UNC5C: variants seen among roughly 807,000 people sequenced by gnomAD.
The protein encoded by UNC5C is unc-5 netrin receptor C, also known as netrin receptor UNC5C.
A neutral mutation model predicts 99.8 loss-of-function variants in UNC5C; 47 were observed. The observed-to-expected ratio is 0.47, with a 90% CI of 0.37 to 0.60. The LOEUF (loss-of-function observed/expected upper bound fraction) is 0.60, where lower values mean the gene tolerates loss of function less well. UNC5C is among the 20% of genes least tolerant of loss of function. The pLI, the probability that UNC5C is intolerant of heterozygous loss-of-function variation, is 0.00. For missense variants in UNC5C, 1,062 were observed against 1,165.9 expected (o/e 0.91, Z 1.30); for synonymous variants, 487 against 452.2 (o/e 1.08, Z -0.98).
At chr4:95,463,300 C>A (rs1187965625) in intron 1 of UNC5C, among the ~76,000 whole-genome samples, 3 of 152,198 alleles carry the variant, frequency 2.0e-5, no homozygotes, top group Middle Eastern at 3.4e-3. Context: ...AAGGCTCTGC[C>A]GCTAAGAGGA....
chr4:95,457,365 A>G (rs548269796), intron 1 of UNC5C, among the ~76,000 whole-genome samples: 171 of 152,258 alleles, frequency 1.1e-3, no homozygotes, highest in Non-Finnish European at 1.8e-3. Context: ...AAAAAAAGAA[A>G]ACAAACATGA....
At chr4:95,343,628 T>G (rs1743661007) in intron 1 of UNC5C, among the ~76,000 whole-genome samples, 2 of 151,824 alleles carry the variant, frequency 1.3e-5, no homozygotes. Flanking sequence ...GAGAGAGAGA[T>G]ATATGACCTT....
intron 1 of UNC5C, among the ~76,000 whole-genome samples, chr4:95,374,985 G>C (rs1249426994): frequency 2.0e-5 from 3 of 152,154 alleles, no homozygotes; most frequent in Admixed American, 2.0e-4. Flanking sequence ...GCATGAAACA[G>C]TTGAATTGAT....
intron 12 of UNC5C, among the ~76,000 whole-genome samples, chr4:95,194,013 C>T (rs576351812): frequency 6.6e-6 from 1 of 152,166 alleles, no homozygotes; most frequent in Non-Finnish European, 1.5e-5. Context: ...CTCTGGTGCC[C>T]ATCTGCAAAC....
chr4:95,307,341 T>G (rs2149406466), intron 2 of UNC5C, among the ~76,000 whole-genome samples: 1 of 152,264 alleles, frequency 6.6e-6, no homozygotes, highest in East Asian at 1.9e-4. Context: ...GCTGGTGTAT[T>G]AGCTTTATTA....
At position 95,248,546 on chromosome 4, in the gene UNC5C, G is replaced by A. The variant is rs1047414876; in HGVS notation, c.775+1941C>T. 60 of 455,944 alleles carry A rather than the reference G, an allele frequency of 1.3e-4. 1 individual carries two copies. The highest frequency in any genetic ancestry group is 8.8e-6 in the Non-Finnish European group (2 of 226,854). The allele number at this position is 455,944 out of a possible 1,614,324, so 28.2% of individuals were successfully genotyped here. ...GGTATAGGGAAGCCATCTTTCAGCTGAAAATCTCCTCTCCTGCTTTTAAGA... is the reference window on the plus strand; with the variant it reads ...GGTATAGGGAAGCCATCTTTCAGCTAAAAATCTCCTCTCCTGCTTTTAAGA... On this transcript the variant is annotated intron_variant, in intron 5 of 15. Coordinates refer to ENST00000453304, the MANE Select transcript of UNC5C (RefSeq NM_003728.4).
intron 14 of UNC5C, among the ~76,000 whole-genome samples, chr4:95,175,807 G>C (rs1007989271): frequency 1.3e-5 from 2 of 152,074 alleles, no homozygotes; most frequent in Non-Finnish European, 2.9e-5. Flanking sequence ...CTAGACTGGG[G>C]AAGTTCTCCT....
At chr4:95,494,898 T>C (rs913293570) in intron 1 of UNC5C, among the ~76,000 whole-genome samples, 76 of 151,420 alleles carry the variant, frequency 5.0e-4, no homozygotes, top group African/African-American at 1.7e-3. Flanking sequence ...ACTGATTTCA[T>C]GATAAATTTT....
chr4:95,507,732 G>A (rs1721962519), intron 1 of UNC5C, among the ~76,000 whole-genome samples: 1 of 151,944 alleles, frequency 6.6e-6, no homozygotes, highest in Non-Finnish European at 1.5e-5. Context: ...CTAGTATGCT[G>A]ACATCATTTC....
chr4:95,538,685 A>G (rs1395723875), intron 1 of UNC5C, among the ~76,000 whole-genome samples: 1 of 152,178 alleles, frequency 6.6e-6, no homozygotes, highest in Non-Finnish European at 1.5e-5. Flanking sequence ...CACTTTAAAA[A>G]TCCTAGTTCA....
intron 3 of UNC5C, among the ~76,000 whole-genome samples, chr4:95,296,499 T>C (rs1172893719): frequency 6.6e-6 from 1 of 152,200 alleles, no homozygotes; most frequent in Non-Finnish European, 1.5e-5. Flanking sequence ...TGAAAAAGAA[T>C]ATATCTACTC....
intron 7 of UNC5C, among the ~76,000 whole-genome samples, chr4:95,241,299 T>C (rs1016446457): frequency 6.6e-6 from 1 of 152,214 alleles, no homozygotes; most frequent in African/African-American, 2.4e-5. Context: ...CAGCCCGTTC[T>C]TGGGGAATGC....
intron 1 of UNC5C, among the ~76,000 whole-genome samples, chr4:95,520,006 G>A (rs1722309180): frequency 6.6e-6 from 1 of 152,162 alleles, no homozygotes; most frequent in African/African-American, 2.4e-5. Flanking sequence ...AAAGCAAGAT[G>A]GATTCTTATG....
intron 2 of UNC5C, among the ~76,000 whole-genome samples, chr4:95,321,741 A>G (rs1487606769): frequency 6.6e-6 from 1 of 152,232 alleles, no homozygotes; most frequent in Non-Finnish European, 1.5e-5. Context: ...ATATGATTGC[A>G]AAGTAAAGGT....
chr4:95,468,167 T>C (rs1156344861), intron 1 of UNC5C, among the ~76,000 whole-genome samples: 3 of 151,872 alleles, frequency 2.0e-5, no homozygotes, highest in African/African-American at 7.3e-5. Context: ...TTAAAACTTT[T>C]GTATAAAGTA....
intron 14 of UNC5C, among the ~76,000 whole-genome samples, 182 bp downstream of exon 14, chr4:95,182,715 T>TA (rs1235159755): frequency 1.3e-5 from 2 of 152,018 alleles, no homozygotes; most frequent in South Asian, 2.1e-4. Flanking sequence ...TATATATATA[T>TA]TTTTTTCTGC....
intron 1 of UNC5C, among the ~76,000 whole-genome samples, chr4:95,448,219 T>TGA (rs1747167365): frequency 1.7e-4 from 17 of 98,806 alleles, no homozygotes; most frequent in African/African-American, 5.9e-4. Flanking sequence ...TGTGTGTGTG[T>TGA]GTGTGTGTGA....
intron 12 of UNC5C, among the ~76,000 whole-genome samples, chr4:95,198,291 G>T (rs939480372): frequency 4.7e-4 from 72 of 152,108 alleles, no homozygotes; most frequent in Admixed American, 4.7e-3. Flanking sequence ...GCCCAGTGAG[G>T]GAGCCTCTCC....
chr4:95,210,590 T>C (rs1738043330), intron 10 of UNC5C, among the ~76,000 whole-genome samples: 1 of 152,208 alleles, frequency 6.6e-6, no homozygotes, highest in African/African-American at 2.4e-5. Flanking sequence ...TCTGTAAATA[T>C]TAATTGCAGA....
Sources: allele counts gnomAD v4.1 joint callset (sites outside exome capture counted in the v4.1 genomes callset), GRCh38; gene constraint gnomAD v4.1.1; transcripts MANE v1.5; gene names NCBI Gene and HGNC (gene_info 2026-07-23, HGNC 2026-07-21).